The following PCDHA10 variants were observed in gnomAD, a reference collection of about 807,000 sequenced individuals.
PCDHA10 encodes the protein protocadherin alpha 10, also known as protocadherin alpha-10.
A neutral mutation model predicts 61.2 loss-of-function variants in PCDHA10; 45 were observed. The ratio of observed to expected loss-of-function variants is 0.74; its 90% confidence interval spans 0.58 to 0.94. The LOEUF (loss-of-function observed/expected upper bound fraction) is 0.94, where lower values mean the gene tolerates loss of function less well. PCDHA10 is among the 40% of genes least tolerant of loss of function. The pLI is 0.00. For synonymous variants in PCDHA10, 602 were observed against 548.8 expected (o/e 1.10, Z -1.35); for missense variants, 1,278 against 1,236.2 (o/e 1.03, Z -0.51).
intron 1 of PCDHA10, chr5:140,868,985 C>A: frequency 1.3e-6 from 2 of 1,500,940 alleles, no homozygotes; most frequent in Non-Finnish European, 1.8e-6. Context: ...ATACCGGATG[C>A]CACCGTTTAA....
intron 1 of PCDHA10, among the ~76,000 whole-genome samples, chr5:140,951,382 G>A (rs246042): frequency 0.56 from 85,615 of 151,810 alleles, 24,753 homozygotes; most frequent in African/African-American, 0.69. Context: ...CCCAAGACTC[G>A]GTAATTTATA....
chr5:140,862,610 G>A (rs2047447715), intron 1 of PCDHA10: 4 of 520,926 alleles, frequency 7.7e-6, no homozygotes, highest in Non-Finnish European at 1.6e-5. Flanking sequence ...TTCGTGAAAG[G>A]TAACAACCCG....
rs77462249 is a variant in PCDHA10 at position 141,008,293 on chromosome 5, C to G, written c.2537-1334C>G. ...ATAGGAAATTGAAATAGCAGTTGTA[C>G]CCAACCCTAAACTGTAATTGAACAT... On this transcript the variant is annotated intron_variant, in intron 3 of 3. Coordinates refer to ENST00000307360, the MANE Select transcript of PCDHA10 (RefSeq NM_018901.4). 3.5e-3 allele frequency among the ~76,000 whole-genome samples: 527 copies of G among 152,254 alleles called. 1 individual carries two copies. The highest frequency in any genetic ancestry group is 5.9e-3 in the Non-Finnish European group (399 of 68,006).
chr5:140,904,265 T>C (rs2070995327), intron 1 of PCDHA10, among the ~76,000 whole-genome samples: 1 of 152,118 alleles, frequency 6.6e-6, no homozygotes, highest in Non-Finnish European at 1.5e-5. Context: ...CTCCCACTTA[T>C]GAATGAGAAC....
rs1214485732 is a variant in PCDHA10, at chr5:141,010,285, C to T, written c.*348C>T. On this transcript the variant is annotated 3_prime_UTR_variant, in exon 4 of 4. Coordinates refer to ENST00000307360, the MANE Select transcript of PCDHA10 (RefSeq NM_018901.4). The stretch of plus-strand genomic sequence containing the variant: ...CTCCGGGGATCCTGTCTTGATGACA[C>T]TTGCAGGGCAGGCTGAAAAGTTTTG... The T allele has an allele frequency of 1.3e-6, 2 of 1,550,458 alleles. No homozygotes were observed. The highest frequency in any genetic ancestry group is 1.7e-6 in the Non-Finnish European group (2 of 1,146,698).
At chr5:140,927,489 C>T (rs147183638) in intron 1 of PCDHA10, 63 of 1,614,126 alleles carry the variant, frequency 3.9e-5, no homozygotes, top group Non-Finnish European at 4.8e-5. Flanking sequence ...GCGCCACCCA[C>T]CTGCTGGTGC....
Position 140,924,836 on chromosome 5 carries a change from A to G in PCDHA10, c.2389-54113A>G, listed in dbSNP as rs182903893. ...CTTGAACCTGGGAGGGGGAGGTTGC[A>G]GGGAGCTCAGATCGTGCCACTGCAC... On this transcript the variant is annotated intron_variant, in intron 1 of 3. Coordinates refer to ENST00000307360, the MANE Select transcript of PCDHA10 (RefSeq NM_018901.4). Among the ~76,000 whole-genome samples, 1,210 of 151,808 alleles carry G rather than the reference A, an allele frequency of 8.0e-3. 6 individuals carry two copies. Among genetic ancestry groups the G allele is most frequent in the African/African-American group, 0.019 (780 of 41,292 alleles).
intron 1 of PCDHA10, among the ~76,000 whole-genome samples, chr5:140,953,840 G>C (rs1429646408): frequency 6.6e-6 from 1 of 152,072 alleles, no homozygotes; most frequent in African/African-American, 2.4e-5. Flanking sequence ...TTGTTACCCA[G>C]GTAAACATGT....
intron 1 of PCDHA10, chr5:140,884,609 G>T: frequency 6.2e-7 from 1 of 1,614,138 alleles, no homozygotes; most frequent in Non-Finnish European, 8.5e-7. Context: ...TCCTTGTCTG[G>T]GTTCTGCAGA....
chr5:140,953,536 A>G (rs2094900021), intron 1 of PCDHA10, among the ~76,000 whole-genome samples: 1 of 152,124 alleles, frequency 6.6e-6, no homozygotes, highest in Non-Finnish European at 1.5e-5. Flanking sequence ...AACTCACTTC[A>G]TGCTGATTCT....
intron 3 of PCDHA10, among the ~76,000 whole-genome samples, chr5:140,996,253 A>C (rs2153938437): frequency 6.6e-6 from 1 of 152,370 alleles, no homozygotes; most frequent in African/African-American, 2.4e-5. Flanking sequence ...AAGTGACAGC[A>C]ACACAGAGCC....
intron 1 of PCDHA10, chr5:140,968,431 G>T: frequency 6.2e-7 from 1 of 1,613,980 alleles, no homozygotes; most frequent in South Asian, 1.1e-5. Flanking sequence ...AGGACAAGGG[G>T]AGCCCACCAC....
rs1207602014 is a variant in PCDHA10 at position 140,886,275 on chromosome 5, T to A, written c.2388+27839T>A. On this transcript the variant is annotated intron_variant, in intron 1 of 3. Transcript: ENST00000307360. ...ATCTCTATTTATAGATAAAATTTTT[T>A]AAAATTATTTTTATATTTATTTATT... 5.9e-5 allele frequency among the ~76,000 whole-genome samples: 9 copies of A among 152,098 alleles called. No homozygotes were observed. In the East Asian group the frequency reaches 1.5e-3, roughly 26 times the overall value.
intron 1 of PCDHA10, chr5:140,926,908 G>A: frequency 6.4e-7 from 1 of 1,560,434 alleles, no homozygotes; most frequent in South Asian, 1.2e-5. Context: ...GGGCTGTGGG[G>A]TGGCAGTTTT....
chr5:140,879,012 T>C (rs2057811303), intron 1 of PCDHA10, among the ~76,000 whole-genome samples: 1 of 152,236 alleles, frequency 6.6e-6, no homozygotes, highest in African/African-American at 2.4e-5. Flanking sequence ...AGAAATCAGA[T>C]AATGTTTTAT....
In PCDHA10 at chr5:140,884,578, G is replaced by A. The variant is rs1554181757; in HGVS notation, c.2388+26142G>A. 6 of 1,614,104 alleles carry A rather than the reference G, an allele frequency of 3.7e-6. No homozygotes were observed. In the South Asian group the frequency reaches 4.4e-5, roughly 12 times the overall value. On this transcript the variant is annotated intron_variant, in intron 1 of 3. Transcript: ENST00000307360. ...AGGGCCCGCATAAGACGGACCTCAT[G>A]GCCTTCAGTCCCAGCCTTCCTCCTT...
intron 1 of PCDHA10, among the ~76,000 whole-genome samples, chr5:140,874,462 A>G (rs1471984599): frequency 7.2e-5 from 11 of 152,228 alleles, no homozygotes; most frequent in African/African-American, 2.7e-4. Flanking sequence ...CTGTAGGGGA[A>G]GATTTAGAGA....
At chr5:140,992,131 T>C (rs1554252686) in intron 3 of PCDHA10, among the ~76,000 whole-genome samples, 1 of 151,874 alleles carries the variant, frequency 6.6e-6, no homozygotes, top group African/African-American at 2.4e-5. Flanking sequence ...GAACAGTGAC[T>C]GATGATGCTA....
At chr5:140,858,465 T>G in intron 1 of PCDHA10, 29 bp downstream of exon 1, 1 of 1,522,706 alleles carries the variant, frequency 6.6e-7, no homozygotes, top group African/African-American at 1.4e-5. Flanking sequence ...ATTTTCCTTT[T>G]GTGCTTTATG....
Sources: gnomAD v4.1 joint callset for allele counts (sites outside exome capture counted in the v4.1 genomes callset) on GRCh38, gnomAD v4.1.1 for gene constraint, MANE v1.5 for transcripts, NCBI Gene and HGNC (gene_info 2026-07-23, HGNC 2026-07-21) for gene names.